The following CDK14 variants were observed in gnomAD, a reference collection of about 807,000 sequenced individuals.
The protein encoded by CDK14 is cyclin-dependent kinase 14.
Under a neutral mutation model 60.7 loss-of-function variants are expected in CDK14, and 34 were observed. The ratio of observed to expected loss-of-function variants is 0.56; its 90% CI spans 0.43 to 0.75. The LOEUF (loss-of-function observed/expected upper bound fraction) is 0.75, where lower values mean the gene tolerates loss of function less well. Ranked by LOEUF, CDK14 falls within the 30% of genes least tolerant of loss-of-function variation. CDK14 has a pLI of 0.00. For synonymous variants in CDK14, 197 were observed against 203.7 expected, an observed-to-expected ratio of 0.97 and a Z score of 0.28; for missense variants, 482 against 564.1, an observed-to-expected ratio of 0.85 and a Z score of 1.47.
rs1801876690 is a variant in CDK14 at position 91,178,787 on chromosome 7, T to C, written c.*29-28378T>C. ...CATCTCACACCAGTTAGAATGGCAATCATTAAAAAGTCAGGAAACAACAGG... is the reference window on the plus strand; with the variant it reads ...CATCTCACACCAGTTAGAATGGCAACCATTAAAAAGTCAGGAAACAACAGG... On this transcript the variant is annotated intron_variant, in intron 14 of 14. Transcript: ENST00000380050. Among the ~76,000 whole-genome samples the C allele has an allele frequency of 2.6e-5, 4 of 151,392 alleles. No individual in the cohort carries two copies. In the South Asian group the frequency reaches 8.4e-4, roughly 32 times the overall value.
chr7:90,924,684 C>A (rs1052285472), intron 8 of CDK14, among the ~76,000 whole-genome samples: 5 of 152,136 alleles, frequency 3.3e-5, no homozygotes, highest in Non-Finnish European at 7.4e-5. Context: ...GTAAGACATG[C>A]TGTAAATTCT....
At chr7:91,140,198 C>T (rs1800413333) in intron 14 of CDK14, among the ~76,000 whole-genome samples, 2 of 152,114 alleles carry the variant, frequency 1.3e-5, no homozygotes, top group Non-Finnish European at 2.9e-5. Context: ...GAGACAATCT[C>T]TTTAATAGAA....
chr7:90,598,704 A>AT lies in CDK14; in HGVS notation c.91+2004dup, dbSNP rs796093975. 3.4e-4 allele frequency among the ~76,000 whole-genome samples: 30 copies of AT among 87,904 alleles called. 5 individuals carry two copies. Among genetic ancestry groups the AT allele is most frequent in the South Asian group, 1.7e-3 (4 of 2,358 alleles). 57.7% of individuals were successfully genotyped at this position (87,904 alleles called of 152,430 possible). ...GTGAACTCATTCTGATTATCTAAGG[A>AT]TTTTTTTTTTTTTTTTTTGAGACGG... On this transcript the variant is annotated intron_variant, in intron 1 of 14. Coordinates refer to ENST00000380050, the MANE Select transcript of CDK14 (RefSeq NM_001287135.2).
chr7:90,878,824 T>C (rs953757870), intron 6 of CDK14, among the ~76,000 whole-genome samples: 1 of 152,194 alleles, frequency 6.6e-6, no homozygotes, highest in African/African-American at 2.4e-5. Context: ...GTTGGTAAAA[T>C]TGTAACTTTT....
chr7:90,693,910 A>G (rs535047507), intron 2 of CDK14, among the ~76,000 whole-genome samples: 5 of 152,340 alleles, frequency 3.3e-5, no homozygotes, highest in African/African-American at 9.6e-5. Context: ...GACTTATAGT[A>G]TAAAGAGGCT....
intron 10 of CDK14, among the ~76,000 whole-genome samples, chr7:91,028,730 T>C (rs1258807713): frequency 1.3e-5 from 2 of 152,224 alleles, no homozygotes; most frequent in Non-Finnish European, 2.9e-5. Flanking sequence ...TATCTTCTTT[T>C]GAGAAATGTC....
intron 5 of CDK14, among the ~76,000 whole-genome samples, chr7:90,835,435 G>A (rs1250219614): frequency 6.6e-6 from 1 of 152,126 alleles, no homozygotes; most frequent in African/African-American, 2.4e-5. Context: ...GAAGGAAGGG[G>A]AAGGAGAGAT....
At chr7:91,073,773 C>T (rs1340911470) in intron 11 of CDK14, among the ~76,000 whole-genome samples, 4 of 82,454 alleles carry the variant, frequency 4.9e-5, no homozygotes, top group East Asian at 7.9e-4. Flanking sequence ...TGTGCAGAGA[C>T]ACACATGGGC....
intron 14 of CDK14, among the ~76,000 whole-genome samples, chr7:91,158,988 A>G (rs1379016035): frequency 6.6e-6 from 1 of 152,236 alleles, no homozygotes; most frequent in Non-Finnish European, 1.5e-5. Context: ...CAAATGTGAT[A>G]TGTTGCTGAT....
intron 8 of CDK14, among the ~76,000 whole-genome samples, chr7:90,929,400 G>A (rs1406171647): frequency 6.6e-6 from 1 of 152,174 alleles, no homozygotes; most frequent in Non-Finnish European, 1.5e-5. Context: ...ATATTTCATG[G>A]TGATGGTTAT....
intron 2 of CDK14, among the ~76,000 whole-genome samples, chr7:90,649,280 C>CTTTCTTTCTTTCT (rs1563029700): frequency 1.8e-5 from 1 of 56,298 alleles, no homozygotes; most frequent in African/African-American, 8.7e-5. Flanking sequence ...TTCTTTCTTT[C>CTTTCTTTCTTTCT]TTTCTTTCTT....
chr7:90,863,407 A>G (rs1445774522), intron 6 of CDK14, 138 bp downstream of exon 6: 2 of 523,708 alleles, frequency 3.8e-6, no homozygotes, highest in African/African-American at 1.9e-5. Context: ...ATAATTTTGT[A>G]TAAAATAAAG....
At chr7:90,795,465 A>C (rs1278768245) in intron 5 of CDK14, among the ~76,000 whole-genome samples, 1 of 150,388 alleles carries the variant, frequency 6.6e-6, no homozygotes, top group Non-Finnish European at 1.5e-5. Flanking sequence ...GATATAAATT[A>C]ATATATTTGA....
chr7:90,856,526 C>T (rs1584050722), intron 5 of CDK14, among the ~76,000 whole-genome samples: 2 of 152,142 alleles, frequency 1.3e-5, no homozygotes, highest in East Asian at 3.8e-4. Context: ...ATTATAGAAC[C>T]ATGAATGCAC....
At chr7:90,842,315 T>A (rs1182466650) in intron 5 of CDK14, among the ~76,000 whole-genome samples, 2 of 152,178 alleles carry the variant, frequency 1.3e-5, no homozygotes, top group Non-Finnish European at 2.9e-5. Context: ...AAGTACAAAG[T>A]GCTGTGTCAG....
intron 10 of CDK14, among the ~76,000 whole-genome samples, chr7:91,008,448 T>G (rs1404061643): frequency 6.6e-6 from 1 of 152,204 alleles, no homozygotes; most frequent in Non-Finnish European, 1.5e-5. Context: ...AGTCATTGTT[T>G]GAGGTTTCAT....
At chr7:90,638,763 T>C (rs1410816129) in intron 2 of CDK14, among the ~76,000 whole-genome samples, 1 of 152,220 alleles carries the variant, frequency 6.6e-6, no homozygotes. Flanking sequence ...CACTTTCAGG[T>C]ACACCAATCA....
chr7:90,744,678 C>T (rs1373660804), intron 3 of CDK14, among the ~76,000 whole-genome samples: 3 of 148,084 alleles, frequency 2.0e-5, no homozygotes, highest in East Asian at 2.0e-4. Flanking sequence ...GGCGGCTGGC[C>T]GGGCAGAGGG....
chr7:90,708,186 T>A (rs1325123641), intron 2 of CDK14, among the ~76,000 whole-genome samples: 5 of 152,204 alleles, frequency 3.3e-5, no homozygotes, highest in Non-Finnish European at 5.9e-5. Context: ...TTTAAGTAAA[T>A]TTTGAAAAAT....
Sources: gnomAD v4.1 joint callset for allele counts (sites outside exome capture counted in the v4.1 genomes callset) on GRCh38, gnomAD v4.1.1 for gene constraint, MANE v1.5 for transcripts, NCBI Gene and HGNC (gene_info 2026-07-23, HGNC 2026-07-21) for gene names.